NEGR1: variants seen among roughly 807,000 people sequenced by gnomAD.
The protein encoded by NEGR1 is IgLON family member 4.
NEGR1 carries 10 observed loss-of-function variants against 40.9 expected under a neutral mutation model. The observed-to-expected ratio is 0.24, with a 90% CI of 0.15 to 0.42. The LOEUF (loss-of-function observed/expected upper bound fraction) is 0.42, where lower values mean the gene tolerates loss of function less well. Among genes scored for constraint, NEGR1 ranks in the 10% least tolerant of loss-of-function variants. The probability of loss-of-function intolerance (pLI) is 1.00; values close to 1 mark genes in which losing one functional copy is unlikely to be tolerated. For synonymous variants in NEGR1, 185 were observed against 166.8 expected, an observed-to-expected ratio of 1.11 and a Z score of -0.84; for missense variants, 352 against 438.9, an observed-to-expected ratio of 0.80 and a Z score of 1.77.
chr1:72,022,260 C>CATATATAT lies in NEGR1; in HGVS notation c.177-86957_177-86950dup, dbSNP rs59160727. 4.2e-3 allele frequency among the ~76,000 whole-genome samples: 472 copies of CATATATAT among 111,522 alleles called. 1 individual carries two copies. The highest frequency in any genetic ancestry group is 5.4e-3 in the Non-Finnish European group (282 of 51,886). 73.2% of individuals were successfully genotyped at this position (111,522 alleles called of 152,430 possible). On this transcript the variant is annotated intron_variant, in intron 1 of 6. Transcript: ENST00000357731. The stretch of plus-strand genomic sequence containing the variant: ...ACAATAGAAAATTATAAACAATTTT[C>CATATATAT]ATATATATATATATATATATATATA...
intron 2 of NEGR1, among the ~76,000 whole-genome samples, chr1:71,903,729 G>A (rs976277100): frequency 2.0e-5 from 3 of 151,038 alleles, no homozygotes; most frequent in Non-Finnish European, 4.4e-5. Flanking sequence ...ATGTATATAT[G>A]TACACACACA....
chr1:72,230,320 A>G (rs1165125316), intron 1 of NEGR1, among the ~76,000 whole-genome samples: 1 of 152,156 alleles, frequency 6.6e-6, no homozygotes, highest in Non-Finnish European at 1.5e-5. Context: ...TTATAAAATT[A>G]TTTTCAACTA....
At chr1:72,007,587 A>G (rs894573735) in intron 1 of NEGR1, among the ~76,000 whole-genome samples, 5 of 152,186 alleles carry the variant, frequency 3.3e-5, no homozygotes, top group African/African-American at 1.2e-4. Flanking sequence ...CATGTAAGCA[A>G]TCAAGTACTG....
intron 1 of NEGR1, among the ~76,000 whole-genome samples, chr1:72,210,724 GT>G (rs1291960386): frequency 6.6e-6 from 1 of 151,876 alleles, no homozygotes; most frequent in Non-Finnish European, 1.5e-5. Context: ...TGTTAATGGA[GT>G]TGTGGAATAT....
At chr1:71,668,009 T>TA (rs1491469518) in intron 4 of NEGR1, among the ~76,000 whole-genome samples, 1 of 152,218 alleles carries the variant, frequency 6.6e-6, no homozygotes, top group East Asian at 1.9e-4. Context: ...TAAATCAGTT[T>TA]ATGTTTTTTC....
At chr1:71,623,109 A>C (rs1650660458) in intron 4 of NEGR1, among the ~76,000 whole-genome samples, 2 of 152,060 alleles carry the variant, frequency 1.3e-5, no homozygotes, top group South Asian at 4.1e-4. Context: ...CTGTCTTATA[A>C]GAAGAAAAAG....
At chr1:71,480,517 G>A (rs1176768405) in intron 6 of NEGR1, among the ~76,000 whole-genome samples, 4 of 151,748 alleles carry the variant, frequency 2.6e-5, no homozygotes, top group African/African-American at 4.8e-5. Context: ...TAGAAAGGGA[G>A]CTCCATGAGG....
chr1:71,911,229 G>A (rs536264051), intron 2 of NEGR1, among the ~76,000 whole-genome samples: 137 of 152,230 alleles, frequency 9.0e-4, no homozygotes, highest in Non-Finnish European at 1.2e-3. Flanking sequence ...TATTTTAATT[G>A]TATTGAGGCT....
chr1:71,798,722 A>T (rs1657431787), intron 2 of NEGR1, among the ~76,000 whole-genome samples: 1 of 152,228 alleles, frequency 6.6e-6, no homozygotes, highest in African/African-American at 2.4e-5. Context: ...CTATGCAGGC[A>T]GAAAACAAAA....
chr1:71,669,407 T>A (rs1652343172), intron 4 of NEGR1, among the ~76,000 whole-genome samples: 2 of 152,094 alleles, frequency 1.3e-5, no homozygotes, highest in South Asian at 4.1e-4. Context: ...TTCCATTTTC[T>A]CTTCTTTTTT....
At chr1:72,158,628 G>T (rs1651446380) in intron 1 of NEGR1, among the ~76,000 whole-genome samples, 1 of 152,006 alleles carries the variant, frequency 6.6e-6, no homozygotes, top group South Asian at 2.1e-4. Flanking sequence ...CTTAAATTTT[G>T]GATGCAATTT....
At chr1:71,452,048 T>C (rs900827295) in intron 6 of NEGR1, among the ~76,000 whole-genome samples, 8 of 152,312 alleles carry the variant, frequency 5.3e-5, no homozygotes, top group Admixed American at 1.3e-4. Flanking sequence ...CAGTCTTTCA[T>C]TGCAAATAGT....
At chr1:72,142,890 T>A (rs1650741737) in intron 1 of NEGR1, among the ~76,000 whole-genome samples, 1 of 151,904 alleles carries the variant, frequency 6.6e-6, no homozygotes, top group South Asian at 2.1e-4. Context: ...TTCAAATTAA[T>A]TGCATTATTC....
intron 2 of NEGR1, among the ~76,000 whole-genome samples, chr1:71,788,444 T>C (rs1424574241): frequency 7.9e-6 from 1 of 126,550 alleles, no homozygotes; most frequent in Non-Finnish European, 1.9e-5. Flanking sequence ...ACAGTTCACA[T>C]GGAAAAAAAA....
At chr1:72,113,951 T>C (rs958146223) in intron 1 of NEGR1, among the ~76,000 whole-genome samples, 2 of 151,734 alleles carry the variant, frequency 1.3e-5, no homozygotes, top group Non-Finnish European at 2.9e-5. Flanking sequence ...TGAAACCACA[T>C]CCTCTACTTT....
chr1:71,524,515 A>C (rs1647194386), intron 6 of NEGR1, among the ~76,000 whole-genome samples: 1 of 151,782 alleles, frequency 6.6e-6, no homozygotes, highest in Non-Finnish European at 1.5e-5. Context: ...CTCTAACAAA[A>C]TTCATTACCT....
At chr1:72,262,966 A>T (rs1655506906) in intron 1 of NEGR1, among the ~76,000 whole-genome samples, 1 of 151,744 alleles carries the variant, frequency 6.6e-6, no homozygotes, top group African/African-American at 2.4e-5. Flanking sequence ...AAGGGACTAA[A>T]ATTCCACACT....
chr1:71,971,877 C>T (rs908110381), intron 1 of NEGR1, among the ~76,000 whole-genome samples: 4 of 152,158 alleles, frequency 2.6e-5, no homozygotes, highest in Non-Finnish European at 5.9e-5. Flanking sequence ...CTGCTTCTTT[C>T]TCTGAATGCA....
At chr1:71,877,628 T>G (rs536721550) in intron 2 of NEGR1, among the ~76,000 whole-genome samples, 1 of 152,276 alleles carries the variant, frequency 6.6e-6, no homozygotes, top group Admixed American at 6.5e-5. Context: ...GGTTAGGACT[T>G]TAACGTATGA....
Sources: gnomAD v4.1 joint callset for allele counts (sites outside exome capture counted in the v4.1 genomes callset) on GRCh38, gnomAD v4.1.1 for gene constraint, MANE v1.5 for transcripts, NCBI Gene and HGNC (gene_info 2026-07-23, HGNC 2026-07-21) for gene names.